Variants in LRRC66 observed in about 807,000 individuals in gnomAD.
LRRC66 encodes the protein leucine rich repeat containing 66.
Under a neutral mutation model 24.6 loss-of-function variants are expected in LRRC66, and 29 were observed. The observed-to-expected ratio is 1.18, with a 90% CI of 0.88 to 1.61. LRRC66 has a LOEUF of 1.61. Ranked by LOEUF, LRRC66 falls within the 40% of genes most tolerant of loss-of-function variation. The pLI is 0.00. For missense variants in LRRC66, 1,124 were observed against 1,058.0 expected, an observed-to-expected ratio of 1.06 and a Z score of -0.87; for synonymous variants, 411 against 397.6, an observed-to-expected ratio of 1.03 and a Z score of -0.40.
In LRRC66 at chr4:52,013,991, C is replaced by T. The variant is rs564353918; in HGVS notation, c.496+3127G>A. ...ACTTGAGGCCGGGCACGGTGGCTCA[C>T]GCCTCTAATCCCAGCACTTTGGGAG... is the stretch of plus-strand genomic sequence containing the variant. On this transcript the variant is annotated intron_variant, in intron 2 of 4. Transcript: ENST00000682860. Among the ~76,000 whole-genome samples, 14 of 152,356 alleles carry T rather than the reference C, an allele frequency of 9.2e-5. No homozygotes were observed. The South Asian group carries it at 1.0e-3, about 11-fold the overall frequency.
intron 2 of LRRC66, among the ~76,000 whole-genome samples, chr4:52,011,924 C>T (rs1736713590): frequency 1.3e-5 from 2 of 152,168 alleles, no homozygotes; most frequent in Non-Finnish European, 2.9e-5. Flanking sequence ...GTGACTGATG[C>T]CTGTAATCCC....
At chr4:52,001,728 C>A (rs1346013997) in intron 3 of LRRC66, among the ~76,000 whole-genome samples, 1 of 152,148 alleles carries the variant, frequency 6.6e-6, no homozygotes, top group African/African-American at 2.4e-5. Flanking sequence ...TGGCTCAAGG[C>A]CACGCTCCCC....
Position 51,995,849 on chromosome 4 carries a change from G to C in LRRC66, c.1173C>G (p.Phe391Leu). 1 of 1,614,142 alleles carries C rather than the reference G, an allele frequency of 6.2e-7. No homozygotes were observed. Among genetic ancestry groups the C allele is most frequent in the East Asian group, 2.2e-5 (1 of 44,854 alleles). ...LSVFITFLVAFSLGAFTRPYV... is the reference protein window; with the variant it reads ...LSVFITFLVALSLGAFTRPYV... ...AAGGCCTTGTGAAAGCCCCCAGGCT[G>C]AAGGCGACAAGGAATGTGATGAACA... Residue 391 changes from phenylalanine (F) to leucine (L), a missense_variant, in exon 5 of 5, where the codon TTC becomes TTG. Phe to Leu is a conservative substitution (Grantham distance 22). Coordinates refer to ENST00000682860, the MANE Select transcript of LRRC66 (RefSeq NM_001024611.3).
intron 2 of LRRC66, among the ~76,000 whole-genome samples, chr4:52,004,096 G>A (rs946383085): frequency 3.3e-5 from 5 of 152,206 alleles, no homozygotes; most frequent in African/African-American, 9.6e-5. Flanking sequence ...TCCACCTCCC[G>A]GGTTCGAGTG....
At chr4:52,003,426 C>T (rs1560559064) in intron 2 of LRRC66, 34 bp from the exon 3 acceptor site, 8 of 1,592,722 alleles carry the variant, frequency 5.0e-6, no homozygotes, top group African/African-American at 1.3e-5. Flanking sequence ...GAAATCTAAA[C>T]TGGTAAAATT....
intron 4 of LRRC66, among the ~76,000 whole-genome samples, chr4:51,996,700 T>C (rs1578111418): frequency 6.6e-6 from 1 of 152,248 alleles, no homozygotes; most frequent in Non-Finnish European, 1.5e-5. Context: ...AGCATGTTTA[T>C]GGCTGTACGC....
intron 2 of LRRC66, among the ~76,000 whole-genome samples, chr4:52,003,710 T>A (rs1351791636): frequency 6.6e-6 from 1 of 152,158 alleles, no homozygotes; most frequent in Non-Finnish European, 1.5e-5. Flanking sequence ...GGAGATAAAC[T>A]AAACTACTAA....
At chr4:52,004,342 T>C in intron 2 of LRRC66, among the ~76,000 whole-genome samples, 1 of 152,204 alleles carries the variant, frequency 6.6e-6, no homozygotes, top group African/African-American at 2.4e-5. Context: ...TCCTTTCTTA[T>C]AGCTACTTAT....
chr4:51,999,386 AT>A (rs1250042609), intron 3 of LRRC66, among the ~76,000 whole-genome samples: 1 of 152,176 alleles, frequency 6.6e-6, no homozygotes, highest in Non-Finnish European at 1.5e-5. Context: ...CAGAATCACA[AT>A]TTTTTGTGAA....
At position 52,003,370 on chromosome 4, in the gene LRRC66, C is replaced by T. The variant is rs1314141337; in HGVS notation, c.519G>A (p.Leu173=). The change falls in exon 3 of 5, where the codon TTG becomes TTA. Residue 173 remains leucine, a synonymous_variant. Coordinates refer to ENST00000682860, the MANE Select transcript of LRRC66 (RefSeq NM_001024611.3). ...CATTGAATGACAGATCCAAACTCTG[C>T]AATGACTTCAGTTTCCACAGTCCTG... is the stretch of plus-strand genomic sequence containing the variant. The part of the protein sequence containing the change: ...TPKGLWKLKS[L]QSLDLSFNGI... The T allele has an allele frequency of 1.9e-6, 3 of 1,612,330 alleles. No homozygotes were observed. Among genetic ancestry groups the T allele is most frequent in the South Asian group, 2.2e-5 (2 of 90,340 alleles).
intron 2 of LRRC66, among the ~76,000 whole-genome samples, chr4:52,013,614 T>C (rs1052623617): frequency 6.6e-6 from 1 of 152,220 alleles, no homozygotes; most frequent in Non-Finnish European, 1.5e-5. Context: ...CTGGCTTCTG[T>C]TTTATAAATT....
intron 2 of LRRC66, 30 bp from the exon 3 acceptor site, chr4:52,003,422 T>TA: frequency 6.3e-7 from 1 of 1,595,134 alleles, no homozygotes; most frequent in South Asian, 1.1e-5. Context: ...AGTTGAAATC[T>TA]AAACTGGTAA....
chr4:52,012,357 G>A (rs927245218), intron 2 of LRRC66, among the ~76,000 whole-genome samples: 1 of 152,122 alleles, frequency 6.6e-6, no homozygotes, highest in Non-Finnish European at 1.5e-5. Flanking sequence ...ACTTCTTCTG[G>A]AGATGAGAAT....
chr4:52,014,172 A>C (rs557964227), intron 2 of LRRC66, among the ~76,000 whole-genome samples: 22 of 152,324 alleles, frequency 1.4e-4, no homozygotes, highest in Admixed American at 2.0e-4. Flanking sequence ...GAATCGCTTG[A>C]ACCTGGGAGG....
intron 1 of LRRC66, chr4:52,018,114 A>G: frequency 3.0e-6 from 3 of 985,432 alleles, no homozygotes; most frequent in Non-Finnish European, 3.6e-6. Flanking sequence ...TTAACTCACA[A>G]AAGAGGCTCT....
Position 52,017,844 on chromosome 4 carries a change from C to T in LRRC66, c.-5-226G>A. ...TGTCACATTTTAAAGAAAGGACTCC[C>T]CTGATTTTTCAGAAAATACATATTC... On this transcript the variant is annotated intron_variant, in intron 1 of 4. Transcript: ENST00000682860. 3 of 985,340 alleles carry T rather than the reference C, an allele frequency of 3.0e-6. No homozygotes were observed. In the South Asian group the frequency reaches 1.4e-4, roughly 46 times the overall value. 61.0% of individuals were successfully genotyped at this position (985,340 alleles called of 1,614,324 possible). A position where few individuals can be genotyped will look rare whatever the true frequency, so the allele number is the denominator to read the frequency against.
chr4:52,016,575 CCT>C (rs1251263781), intron 2 of LRRC66, among the ~76,000 whole-genome samples: 1 of 151,764 alleles, frequency 6.6e-6, no homozygotes, highest in Non-Finnish European at 1.5e-5. Context: ...TCTGGAGTAC[CCT>C]GTTAGAAACT....
chr4:51,994,856 C>T lies in LRRC66; in HGVS notation c.2166G>A (p.Arg722=), dbSNP rs757583840. The T allele has an allele frequency of 6.2e-7, 1 of 1,614,210 alleles. No homozygotes were observed. ...TLSSISSESA[R]SKTEEAVPDE... ...CAGGCACTGCCTCTTCAGTCTTGCTCCTTGCACTCTCTGAACTTATGGAGC... is the reference window on the plus strand; with the variant it reads ...CAGGCACTGCCTCTTCAGTCTTGCTTCTTGCACTCTCTGAACTTATGGAGC... Residue 722 remains arginine (R), a synonymous_variant, in exon 5 of 5, where the codon AGG becomes AGA. Coordinates refer to ENST00000682860, the MANE Select transcript of LRRC66 (RefSeq NM_001024611.3).
rs373992606 is a variant in LRRC66 at position 52,018,657 on chromosome 4, T to C, written c.-5-1039A>G. 10 of 942,006 alleles carry C rather than the reference T, an allele frequency of 1.1e-5. No homozygotes were observed. In the African/African-American group the frequency reaches 1.4e-4, roughly 13 times the overall value. The allele number at this position is 942,006 out of a possible 1,614,324, so 58.4% of individuals were successfully genotyped here. ...TACAATAACGTATTTCCTATATTAT[T>C]CCTTCATTTGAAATCCTCAAAGGGC... On this transcript the variant is annotated intron_variant, in intron 1 of 4. Transcript: ENST00000682860.
Sources: allele counts gnomAD v4.1 joint callset (sites outside exome capture counted in the v4.1 genomes callset), GRCh38; gene constraint gnomAD v4.1.1; transcripts MANE v1.5; gene names NCBI Gene and HGNC (gene_info 2026-07-23, HGNC 2026-07-21).